SLC24A2: variants seen among roughly 807,000 people sequenced by gnomAD.
SLC24A2 encodes the protein sodium/potassium/calcium exchanger 2.
In SLC24A2, 36 loss-of-function variants were observed where a neutral mutation model predicts 62.0. The observed-to-expected ratio is 0.58, with a 90% CI of 0.44 to 0.77. The LOEUF (loss-of-function observed/expected upper bound fraction) is 0.77. Among genes scored for constraint, SLC24A2 ranks in the 30% least tolerant of loss-of-function variants. The pLI is 0.00. For synonymous variants in SLC24A2, 358 were observed against 294.0 expected, an observed-to-expected ratio of 1.22 and a Z score of -2.23; for missense variants, 846 against 817.9, an observed-to-expected ratio of 1.03 and a Z score of -0.42.
intron 5 of SLC24A2, among the ~76,000 whole-genome samples, chr9:19,584,423 A>T (rs1836303578): frequency 6.6e-6 from 1 of 152,114 alleles, no homozygotes; most frequent in South Asian, 2.1e-4. Flanking sequence ...TGAGGAAGAG[A>T]CTTCATATTT....
chr9:19,710,392 A>C (rs976068977), intron 2 of SLC24A2, among the ~76,000 whole-genome samples: 3 of 152,134 alleles, frequency 2.0e-5, no homozygotes, highest in African/African-American at 7.2e-5. Flanking sequence ...AAATAAGAGG[A>C]GTACTAGCCC....
chr9:20,196,061 C>T, the SLC24A2 span, among the ~76,000 whole-genome samples: 224 of 152,118 alleles, frequency 1.5e-3, 1 homozygote, highest in African/African-American at 3.8e-3. Context: ...TTGATATAAA[C>T]GTTCATCTAT....
chr9:19,915,125 AC>A, the SLC24A2 span, among the ~76,000 whole-genome samples: 1 of 152,014 alleles, frequency 6.6e-6, no homozygotes, highest in Non-Finnish European at 1.5e-5. Context: ...CTTGGCAACT[AC>A]TTTTGTCACT....
At chr9:19,535,404 G>A (rs944005332) in intron 8 of SLC24A2, among the ~76,000 whole-genome samples, 1 of 152,128 alleles carries the variant, frequency 6.6e-6, no homozygotes, top group East Asian at 1.9e-4. Flanking sequence ...TGCTTTTCGT[G>A]TTTTAGACAT....
chr9:20,104,197 T>G, the SLC24A2 span, among the ~76,000 whole-genome samples: 3 of 152,176 alleles, frequency 2.0e-5, no homozygotes, highest in Non-Finnish European at 4.4e-5. Flanking sequence ...TATGGGACTA[T>G]GTGAAAAGAC....
intron 8 of SLC24A2, among the ~76,000 whole-genome samples, chr9:19,548,057 T>G (rs948390823): frequency 6.6e-6 from 1 of 151,642 alleles, no homozygotes. Flanking sequence ...CCAGGAAACC[T>G]ATACTGCTGG....
At chr9:19,862,650 A>G in the SLC24A2 span, among the ~76,000 whole-genome samples, 1 of 152,212 alleles carries the variant, frequency 6.6e-6, no homozygotes, top group Admixed American at 6.5e-5. Flanking sequence ...TAGTACAATA[A>G]GAAGGTATAA....
intron 2 of SLC24A2, among the ~76,000 whole-genome samples, chr9:19,720,193 C>A (rs940531013): frequency 2.6e-5 from 4 of 152,058 alleles, no homozygotes; most frequent in Non-Finnish European, 2.9e-5. Flanking sequence ...GCTATATTGC[C>A]TTTTTTCTAT....
chr9:19,992,380 T>G, the SLC24A2 span, among the ~76,000 whole-genome samples: 39 of 152,200 alleles, frequency 2.6e-4, no homozygotes, highest in African/African-American at 9.4e-4. Context: ...TGAAGATATT[T>G]TTACAATTCT....
At chr9:19,852,180 T>A in the SLC24A2 span, among the ~76,000 whole-genome samples, 1 of 152,218 alleles carries the variant, frequency 6.6e-6, no homozygotes, top group Admixed American at 6.5e-5. Flanking sequence ...TGGTGTTTTC[T>A]TTTTCTTGTA....
chr9:19,907,286 C>G, the SLC24A2 span, among the ~76,000 whole-genome samples: 3 of 152,168 alleles, frequency 2.0e-5, no homozygotes, highest in Non-Finnish European at 1.5e-5. Flanking sequence ...ACGCTTCATG[C>G]TAAAAACACT....
intron 2 of SLC24A2, among the ~76,000 whole-genome samples, chr9:19,670,769 C>G (rs985704406): frequency 6.6e-6 from 1 of 152,138 alleles, no homozygotes; most frequent in African/African-American, 2.4e-5. Flanking sequence ...GATAATTGTT[C>G]CATGTGTCCC....
At chr9:20,213,900 G>A in the SLC24A2 span, among the ~76,000 whole-genome samples, 11 of 152,258 alleles carry the variant, frequency 7.2e-5, no homozygotes, top group African/African-American at 1.7e-4. Context: ...CTATATCATT[G>A]TATCTCCATT....
At chr9:20,249,015 G>T in the SLC24A2 span, among the ~76,000 whole-genome samples, 1 of 152,182 alleles carries the variant, frequency 6.6e-6, no homozygotes, top group East Asian at 1.9e-4. Flanking sequence ...AGAGGCTCAG[G>T]CTGGCCAAAC....
the SLC24A2 span, among the ~76,000 whole-genome samples, chr9:20,098,387 T>G: frequency 2.6e-5 from 4 of 152,314 alleles, no homozygotes; most frequent in East Asian, 5.8e-4. Flanking sequence ...GGTGCTGGGT[T>G]TTTTGATTTC....
chr9:19,912,132 G>C, the SLC24A2 span, among the ~76,000 whole-genome samples: 1 of 151,990 alleles, frequency 6.6e-6, no homozygotes, highest in Non-Finnish European at 1.5e-5. Flanking sequence ...GGTGGGGACC[G>C]AGGCCAGCAG....
chr9:20,056,849 C>T, the SLC24A2 span, among the ~76,000 whole-genome samples: 1 of 152,206 alleles, frequency 6.6e-6, no homozygotes, highest in South Asian at 2.1e-4. Flanking sequence ...TTGAATGACA[C>T]TAATGAACAA....
chr9:20,271,362 G>A, the SLC24A2 span, among the ~76,000 whole-genome samples: 3 of 152,226 alleles, frequency 2.0e-5, no homozygotes, highest in African/African-American at 4.8e-5. Context: ...ATGCTCTCCT[G>A]CAGTTTCAAG....
At chr9:19,737,586 G>T in intron 2 of SLC24A2, among the ~76,000 whole-genome samples, 2 of 151,890 alleles carry the variant, frequency 1.3e-5, no homozygotes, top group Non-Finnish European at 2.9e-5. Flanking sequence ...AAAATAAAAT[G>T]CAATTGCATT....
Sources: gnomAD v4.1 joint callset for allele counts (sites outside exome capture counted in the v4.1 genomes callset) on GRCh38, gnomAD v4.1.1 for gene constraint, MANE v1.5 for transcripts, NCBI Gene and HGNC (gene_info 2026-07-23, HGNC 2026-07-21) for gene names.